The following ARK2N variants were observed in gnomAD, a reference collection of about 807,000 sequenced individuals.
ARK2N encodes arkadia (RNF111) N-terminal like PKA signaling regulator 2N.
the ARK2N span, among the ~76,000 whole-genome samples, chr18:46,249,913 C>T: frequency 5.3e-5 from 8 of 152,120 alleles, no homozygotes; most frequent in Admixed American, 3.9e-4. Flanking sequence ...CCTTGACTCC[C>T]TGGGCTCAAG....
chr18:46,190,388 C>T, the ARK2N span, among the ~76,000 whole-genome samples: 9 of 37,794 alleles, frequency 2.4e-4, no homozygotes, highest in South Asian at 7.3e-4. Context: ...GGCGTGGTGG[C>T]GCATGCCTGT....
the ARK2N span, among the ~76,000 whole-genome samples, chr18:46,192,148 A>C: frequency 3.0e-4 from 46 of 152,306 alleles, no homozygotes; most frequent in African/African-American, 1.1e-3. Flanking sequence ...TTTGACTGAA[A>C]ATCATAATGT....
chr18:46,192,606 C>G, the ARK2N span, among the ~76,000 whole-genome samples: 1 of 148,610 alleles, frequency 6.7e-6, no homozygotes, highest in South Asian at 2.3e-4. Context: ...GAGTCTTGCT[C>G]TGTCGCCCAC....
At chr18:46,183,180 T>C in the ARK2N span, among the ~76,000 whole-genome samples, 1 of 152,212 alleles carries the variant, frequency 6.6e-6, no homozygotes, top group South Asian at 2.1e-4. Context: ...AAATAAGGTC[T>C]CTGCATTGTT....
the ARK2N span, among the ~76,000 whole-genome samples, chr18:46,175,430 T>C: frequency 6.6e-6 from 1 of 152,138 alleles, no homozygotes; most frequent in Non-Finnish European, 1.5e-5. Flanking sequence ...ATTTTAAGGA[T>C]GGAAGCTATT....
the ARK2N span, among the ~76,000 whole-genome samples, chr18:46,180,566 C>A: frequency 6.6e-6 from 1 of 152,136 alleles, no homozygotes; most frequent in Admixed American, 6.6e-5. Context: ...ATTAGTTGGG[C>A]ATGGTGGCGC....
chr18:46,235,817 G>A, the ARK2N span, among the ~76,000 whole-genome samples: 2 of 152,214 alleles, frequency 1.3e-5, no homozygotes, highest in East Asian at 3.8e-4. Context: ...AGGGGAATTT[G>A]TCATGGGATA....
the ARK2N span, among the ~76,000 whole-genome samples, chr18:46,175,309 C>A: frequency 6.6e-6 from 1 of 152,130 alleles, no homozygotes; most frequent in African/African-American, 2.4e-5. Context: ...GATGATACTT[C>A]GTCAAGGTTG....
At chr18:46,243,139 A>G in the ARK2N span, among the ~76,000 whole-genome samples, 1 of 152,198 alleles carries the variant, frequency 6.6e-6, no homozygotes, top group Non-Finnish European at 1.5e-5. Context: ...AATAAAAATA[A>G]TACTGTAGTC....
chr18:46,266,857 G>GA, the ARK2N span: 1 of 152,426 alleles, frequency 6.6e-6, no homozygotes, highest in African/African-American at 2.4e-5. Flanking sequence ...GGTCTTTGGA[G>GA]AAAAAATAAT....
At chr18:46,253,831 A>G in the ARK2N span, 1 of 1,597,704 alleles carries the variant, frequency 6.3e-7, no homozygotes, top group African/African-American at 1.3e-5. Context: ...AAGGTAGGAT[A>G]CTAATTGGAG....
chr18:46,181,603 A>G, the ARK2N span, among the ~76,000 whole-genome samples: 1 of 151,888 alleles, frequency 6.6e-6, no homozygotes, highest in African/African-American at 2.4e-5. Context: ...AGTCCCAGCT[A>G]CTCGGGAGGT....
chr18:46,201,708 C>T, the ARK2N span, among the ~76,000 whole-genome samples: 3 of 151,604 alleles, frequency 2.0e-5, no homozygotes, highest in South Asian at 4.2e-4. Context: ...CTTTCACTAG[C>T]GGTATAAGCT....
At chr18:46,234,801 A>G in the ARK2N span, among the ~76,000 whole-genome samples, 8 of 152,146 alleles carry the variant, frequency 5.3e-5, no homozygotes, top group African/African-American at 1.9e-4. Flanking sequence ...AGGCCATCAA[A>G]GGGCCTGTGA....
the ARK2N span, chr18:46,228,678 C>G: frequency 2.5e-6 from 1 of 396,310 alleles, no homozygotes; most frequent in African/African-American, 2.1e-5. Context: ...CTCTGCCTCC[C>G]AGGTTCAAGC....
At chr18:46,226,037 T>G in the ARK2N span, among the ~76,000 whole-genome samples, 3 of 148,576 alleles carry the variant, frequency 2.0e-5, no homozygotes, top group African/African-American at 7.9e-5. Flanking sequence ...CAGACACTGT[T>G]GACTTCTGCT....
chr18:46,249,413 T>G, the ARK2N span, among the ~76,000 whole-genome samples: 11 of 151,450 alleles, frequency 7.3e-5, no homozygotes, highest in African/African-American at 2.7e-4. Flanking sequence ...TTTGTATTTT[T>G]AGTAGAGACG....
the ARK2N span, among the ~76,000 whole-genome samples, chr18:46,214,858 G>A: frequency 6.6e-6 from 1 of 152,310 alleles, no homozygotes; most frequent in Admixed American, 6.5e-5. Flanking sequence ...GAGGTATGTG[G>A]GAGCTAGGTA....
chr18:46,252,611 AT>A, the ARK2N span, among the ~76,000 whole-genome samples: 45 of 150,772 alleles, frequency 3.0e-4, no homozygotes, highest in East Asian at 7.8e-4. Flanking sequence ...TGTTGTGTAG[AT>A]TTTTTTTTTA....
Sources: allele counts gnomAD v4.1 joint callset (sites outside exome capture counted in the v4.1 genomes callset), GRCh38; gene constraint gnomAD v4.1.1; transcripts MANE v1.5; gene names NCBI Gene and HGNC (gene_info 2026-07-23, HGNC 2026-07-21).